Variants in MARCHF4 observed in about 807,000 individuals in gnomAD.
MARCHF4 encodes E3 ubiquitin-protein ligase MARCHF4.
Under a neutral mutation model 43.9 loss-of-function variants are expected in MARCHF4, and 14 were observed. The observed-to-expected ratio is 0.32, with a 90% CI of 0.21 to 0.50. The LOEUF (loss-of-function observed/expected upper bound fraction) is 0.50, where lower values mean the gene tolerates loss of function less well. Among genes scored for constraint, MARCHF4 ranks in the 20% least tolerant of loss-of-function variants. The probability of loss-of-function intolerance (pLI) is 0.98; values close to 1 mark genes in which losing one functional copy is unlikely to be tolerated. For synonymous variants in MARCHF4, 226 were observed against 213.3 expected (o/e 1.06, Z -0.52); for missense variants, 468 against 536.7 (o/e 0.87, Z 1.27).
intron 1 of MARCHF4, among the ~76,000 whole-genome samples, chr2:216,295,929 C>T (rs1282370911): frequency 2.0e-5 from 3 of 152,288 alleles, no homozygotes; most frequent in East Asian, 3.9e-4. Flanking sequence ...AGGTGGATCA[C>T]GTGGTCAGGA....
At chr2:216,340,139 G>A (rs1001297825) in intron 1 of MARCHF4, among the ~76,000 whole-genome samples, 2 of 152,094 alleles carry the variant, frequency 1.3e-5, no homozygotes, top group Non-Finnish European at 2.9e-5. Flanking sequence ...AGAGGGTGGG[G>A]CTGCTGTTCA....
At chr2:216,281,212 T>G (rs1475975701) in intron 2 of MARCHF4, among the ~76,000 whole-genome samples, 1 of 151,818 alleles carries the variant, frequency 6.6e-6, no homozygotes, top group African/African-American at 2.4e-5. Context: ...GGGACTACAG[T>G]CATGGGCTAC....
In MARCHF4 at chr2:216,258,881, G is replaced by T. The variant is rs1050250049; in HGVS notation, c.*431C>A. 5 of 154,912 alleles carry T rather than the reference G, an allele frequency of 3.2e-5. No homozygotes were observed. In the South Asian group the frequency reaches 1.0e-3, roughly 31 times the overall value. The allele number at this position is 154,912 out of a possible 1,614,324, so 9.6% of individuals were successfully genotyped here. A position where few individuals can be genotyped will look rare whatever the true frequency, so the allele number is the denominator to read the frequency against. ...TGGCTGCCTGCAGAACACAGCCCCA[G>T]GAGAAACAAAACCAAACAGGGTGAG... On this transcript the variant is annotated 3_prime_UTR_variant, in exon 4 of 4. Coordinates refer to ENST00000273067, the MANE Select transcript of MARCHF4 (RefSeq NM_020814.3).
intron 1 of MARCHF4, among the ~76,000 whole-genome samples, chr2:216,293,360 TA>T (rs1691341075): frequency 6.6e-6 from 1 of 151,894 alleles, no homozygotes; most frequent in Non-Finnish European, 1.5e-5. Context: ...ATAATTTGAT[TA>T]AAAAAAGAAA....
rs770401139 is a variant in MARCHF4, at chr2:216,370,039, C to T, written c.222G>A (p.Ala74=). The T allele has an allele frequency of 1.7e-5, 27 of 1,550,518 alleles. No individual in the cohort carries two copies. The highest frequency in any genetic ancestry group is 2.4e-5 in the East Asian group (1 of 41,454). ...MHGDPQPPGL[A]ANNTLPALGA... The stretch of plus-strand genomic sequence containing the variant: ...CCAGAGCCGGAAGGGTGTTGTTGGC[C>T]GCCAAACCGGGGGGCTGGGGGTCGC... Residue 74 remains alanine (A), a synonymous_variant, in exon 1 of 4, where the codon GCG becomes GCA. Transcript: ENST00000273067.
intron 1 of MARCHF4, among the ~76,000 whole-genome samples, chr2:216,344,351 G>T (rs1692281167): frequency 6.6e-6 from 1 of 152,108 alleles, no homozygotes; most frequent in Non-Finnish European, 1.5e-5. Context: ...CATGGTGGGG[G>T]CGTGGGTGGA....
At chr2:216,317,442 C>T (rs1432808458) in intron 1 of MARCHF4, among the ~76,000 whole-genome samples, 1 of 151,912 alleles carries the variant, frequency 6.6e-6, no homozygotes, top group Admixed American at 6.6e-5. Flanking sequence ...GAAACAGGGT[C>T]TCACTCTGTC....
intron 1 of MARCHF4, among the ~76,000 whole-genome samples, chr2:216,336,769 C>CAAAAAAAAAAAAAAAAAAAAAAA (rs1453857917): frequency 1.2e-4 from 8 of 66,858 alleles, no homozygotes; most frequent in Admixed American, 5.5e-4. Context: ...AAAAAAAAAG[C>CAAAAAAAAAAAAAAAAAAAAAAA]TTTCTGGAAA....
At chr2:216,331,835 G>A (rs1173885471) in intron 1 of MARCHF4, among the ~76,000 whole-genome samples, 11 of 152,166 alleles carry the variant, frequency 7.2e-5, no homozygotes, top group African/African-American at 2.4e-5. Flanking sequence ...AGATCTTTTA[G>A]AGTATCCACA....
intron 1 of MARCHF4, among the ~76,000 whole-genome samples, chr2:216,363,285 A>C (rs1036229558): frequency 2.0e-5 from 3 of 152,164 alleles, no homozygotes; most frequent in Non-Finnish European, 2.9e-5. Flanking sequence ...TACAAACAAC[A>C]CTGTGTAGAG....
chr2:216,257,873 A>G lies in MARCHF4; in HGVS notation c.*1439T>C, dbSNP rs1315823523. The G allele has an allele frequency of 1.8e-4, 28 of 152,194 alleles. No individual in the cohort carries two copies. The highest frequency in any genetic ancestry group is 1.5e-5 in the Non-Finnish European group (1 of 68,034). The allele number at this position is 152,194 out of a possible 1,614,324, so 9.4% of individuals were successfully genotyped here. A position where few individuals can be genotyped will look rare whatever the true frequency, so the allele number is the denominator to read the frequency against. On this transcript the variant is annotated 3_prime_UTR_variant, in exon 4 of 4. Coordinates refer to ENST00000273067, the MANE Select transcript of MARCHF4 (RefSeq NM_020814.3). ...ATGGAAAGGGACACTAATGGTAGGG[A>G]AAGAAGTTTTATTTTCAAGCTTTTA...
intron 1 of MARCHF4, among the ~76,000 whole-genome samples, chr2:216,354,969 T>TTCTC (rs1692475377): frequency 2.8e-5 from 4 of 143,992 alleles, no homozygotes; most frequent in Non-Finnish European, 3.0e-5. Flanking sequence ...CTTTCTTTCT[T>TTCTC]TCTTTCTTTC....
intron 3 of MARCHF4, among the ~76,000 whole-genome samples, chr2:216,276,763 G>C (rs1296374528): frequency 1.3e-5 from 2 of 152,198 alleles, no homozygotes; most frequent in Admixed American, 6.5e-5. Flanking sequence ...TAACCTGAGA[G>C]TTCTAGGGTG....
At chr2:216,331,035 G>A (rs938729720) in intron 1 of MARCHF4, among the ~76,000 whole-genome samples, 3 of 151,926 alleles carry the variant, frequency 2.0e-5, no homozygotes, top group African/African-American at 7.2e-5. Context: ...AGAAAGTAAT[G>A]AAATAGAAAA....
At chr2:216,283,856 G>A (rs1254395963) in intron 1 of MARCHF4, 127 bp from the exon 2 acceptor site, 3 of 1,004,088 alleles carry the variant, frequency 3.0e-6, no homozygotes, top group Non-Finnish European at 2.8e-6. Context: ...TTTGTTTGGG[G>A]GCACCAGACT....
chr2:216,351,001 A>ACCCTC (rs1359775705), intron 1 of MARCHF4, among the ~76,000 whole-genome samples: 1 of 152,194 alleles, frequency 6.6e-6, no homozygotes, highest in Non-Finnish European at 1.5e-5. Flanking sequence ...CAACAAACAA[A>ACCCTC]CAAGTTACCC....
chr2:216,342,933 A>G (rs1434486236), intron 1 of MARCHF4, among the ~76,000 whole-genome samples: 1 of 152,128 alleles, frequency 6.6e-6, no homozygotes, highest in Non-Finnish European at 1.5e-5. Flanking sequence ...GCATGAGAGC[A>G]AGGTGGGGCT....
intron 1 of MARCHF4, among the ~76,000 whole-genome samples, chr2:216,343,923 G>A (rs896192754): frequency 3.2e-4 from 48 of 152,246 alleles, no homozygotes; most frequent in African/African-American, 9.6e-4. Context: ...GGAGAATCAC[G>A]AGAGGGAATG....
At chr2:216,346,985 TG>T (rs1296848063) in intron 1 of MARCHF4, among the ~76,000 whole-genome samples, 3 of 152,082 alleles carry the variant, frequency 2.0e-5, no homozygotes, top group Non-Finnish European at 4.4e-5. Flanking sequence ...TGTTTAAAAG[TG>T]TATAGCAACC....
Sources: gnomAD v4.1 joint callset for allele counts (sites outside exome capture counted in the v4.1 genomes callset) on GRCh38, gnomAD v4.1.1 for gene constraint, MANE v1.5 for transcripts, NCBI Gene and HGNC (gene_info 2026-07-23, HGNC 2026-07-21) for gene names.